CDH19: variants seen among roughly 807,000 people sequenced by gnomAD.
The protein encoded by CDH19 is cadherin-19.
In CDH19, 67 loss-of-function variants were observed where a neutral mutation model predicts 64.2. The observed-to-expected ratio is 1.04, with a 90% CI of 0.86 to 1.28. The LOEUF (loss-of-function observed/expected upper bound fraction) is 1.28. Among genes scored for constraint, CDH19 ranks in the 50% most tolerant of loss-of-function variants. The pLI is 0.00. For synonymous variants in CDH19, 346 were observed against 319.3 expected, an observed-to-expected ratio of 1.08 and a Z score of -0.89; for missense variants, 1,030 against 929.0, an observed-to-expected ratio of 1.11 and a Z score of -1.41.
At chr18:66,531,479 T>C (rs1423251396) in intron 8 of CDH19, among the ~76,000 whole-genome samples, 2 of 151,892 alleles carry the variant, frequency 1.3e-5, no homozygotes, top group Non-Finnish European at 2.9e-5. Context: ...ATTAGCTGAG[T>C]GTAGTAGTGT....
intron 1 of CDH19, among the ~76,000 whole-genome samples, chr18:66,581,790 G>A (rs1988428650): frequency 6.6e-6 from 1 of 151,880 alleles, no homozygotes; most frequent in Admixed American, 6.6e-5. Flanking sequence ...GCTTGCAGAG[G>A]GCCTATCTGG....
intron 9 of CDH19, among the ~76,000 whole-genome samples, chr18:66,518,955 C>T (rs1598973770): frequency 6.6e-6 from 1 of 152,126 alleles, no homozygotes; most frequent in East Asian, 1.9e-4. Flanking sequence ...ACACTTCATT[C>T]AGCTAAACCA....
chr18:66,515,923 T>C (rs115566976), intron 9 of CDH19, among the ~76,000 whole-genome samples: 3,324 of 151,966 alleles, frequency 0.022, 130 homozygotes, highest in African/African-American at 0.074. Flanking sequence ...TTAGTCTCTG[T>C]CACCACTGTT....
At chr18:66,554,897 C>T (rs911302749) in intron 3 of CDH19, among the ~76,000 whole-genome samples, 4 of 151,496 alleles carry the variant, frequency 2.6e-5, no homozygotes, top group African/African-American at 9.7e-5. Flanking sequence ...TGCTTTTCAC[C>T]AAAAATTATA....
intron 7 of CDH19, among the ~76,000 whole-genome samples, chr18:66,542,180 A>G (rs1986912990): frequency 6.6e-6 from 1 of 152,228 alleles, no homozygotes; most frequent in Non-Finnish European, 1.5e-5. Context: ...AAAAATTGAT[A>G]TGCACTTATA....
chr18:66,519,590 T>C (rs988237103), intron 9 of CDH19, among the ~76,000 whole-genome samples: 1 of 152,180 alleles, frequency 6.6e-6, no homozygotes, highest in East Asian at 1.9e-4. Flanking sequence ...CATGGTTTCC[T>C]ATACATGTGA....
chr18:66,599,706 A>C (rs1432856661), intron 1 of CDH19, among the ~76,000 whole-genome samples: 1 of 152,086 alleles, frequency 6.6e-6, no homozygotes, highest in African/African-American at 2.4e-5. Flanking sequence ...TAAAAAATAA[A>C]TATTGAAAAC....
rs112895920 is a variant in CDH19, at chr18:66,549,427, T to C, written c.775+1667A>G. On this transcript the variant is annotated intron_variant, in intron 5 of 11. Transcript: ENST00000262150. Reference sequence around the variant, plus strand: ...CACATATTATATGCCAATTATTTTATAAAGTTCTGGGTATTTCATATTTAA... The same window carrying C: ...CACATATTATATGCCAATTATTTTACAAAGTTCTGGGTATTTCATATTTAA... 1.0e-3 allele frequency among the ~76,000 whole-genome samples: 153 copies of C among 152,240 alleles called. 1 individual carries two copies. Among genetic ancestry groups the C allele is most frequent in the African/African-American group, 3.6e-3 (149 of 41,542 alleles).
chr18:66,534,327 T>C (rs1372991218), intron 8 of CDH19, among the ~76,000 whole-genome samples: 1 of 151,920 alleles, frequency 6.6e-6, no homozygotes. Flanking sequence ...TCGCAAATAA[T>C]ATGCGGAGAT....
chr18:66,528,455 CT>C (rs1224361789), intron 9 of CDH19, among the ~76,000 whole-genome samples: 1 of 152,102 alleles, frequency 6.6e-6, no homozygotes, highest in Non-Finnish European at 1.5e-5. Flanking sequence ...TTATATCCAC[CT>C]TTTACTTTCC....
chr18:66,526,536 C>T (rs1295351583), intron 9 of CDH19, among the ~76,000 whole-genome samples: 1 of 152,020 alleles, frequency 6.6e-6, no homozygotes, highest in Admixed American at 6.6e-5. Flanking sequence ...CAAATATTAA[C>T]TTATTTCAAA....
intron 4 of CDH19, 93 bp from the exon 5 acceptor site, chr18:66,551,351 C>T: frequency 1.4e-6 from 1 of 739,314 alleles, no homozygotes; most frequent in South Asian, 1.6e-5. Flanking sequence ...CATTATTTTG[C>T]TATATGTTGA....
chr18:66,538,413 C>T lies in CDH19; in HGVS notation c.1215-3306G>A, dbSNP rs571627826. On this transcript the variant is annotated intron_variant, in intron 7 of 11. Coordinates refer to ENST00000262150, the MANE Select transcript of CDH19 (RefSeq NM_021153.4). ...TTGGACAAAAGAATAGTCATGTGTC[C>T]GCCTTCACATAATGACACAGAACAA... Among the ~76,000 whole-genome samples the T allele has an allele frequency of 4.1e-4, 63 of 152,062 alleles. 1 individual carries two copies. Among genetic ancestry groups the T allele is most frequent in the East Asian group, 4.1e-3 (21 of 5,162 alleles).
At chr18:66,557,945 A>C (rs1318635653) in intron 3 of CDH19, among the ~76,000 whole-genome samples, 1 of 151,638 alleles carries the variant, frequency 6.6e-6, no homozygotes, top group Non-Finnish European at 1.5e-5. Context: ...CTGATTCTCT[A>C]GTTGGCTCCA....
intron 9 of CDH19, among the ~76,000 whole-genome samples, chr18:66,514,512 C>T (rs558305): frequency 0.96 from 145,788 of 151,378 alleles, 70,436 homozygotes; most frequent in East Asian, 1. Flanking sequence ...AGTGTGATCC[C>T]AAGCAAAGAA....
intron 1 of CDH19, among the ~76,000 whole-genome samples, chr18:66,582,916 T>A (rs1988466781): frequency 6.6e-6 from 1 of 152,064 alleles, no homozygotes; most frequent in South Asian, 2.1e-4. Flanking sequence ...TGTGCAAAAG[T>A]TCTAAAATGA....
chr18:66,551,165 G>C lies in CDH19; in HGVS notation c.704C>G (p.Ala235Gly), dbSNP rs754546870. ...QAKDMIGQPG[A>G]LSGTTSVLIK... is the part of the protein sequence containing the mutation. The stretch of plus-strand genomic sequence containing the variant: ...TAATACACTTGTTGTTCCAGACAAC[G>C]CTCCTGGCTGACCAATCATGTCCTT... Residue 235 changes from alanine (A) to glycine (G), a missense_variant, in exon 5 of 12, where the codon GCG becomes GGG. Transcript: ENST00000262150. 4 of 1,605,958 alleles carry C rather than the reference G, an allele frequency of 2.5e-6. No homozygotes were observed. The highest frequency in any genetic ancestry group is 3.4e-6 in the Non-Finnish European group (4 of 1,173,038).
At position 66,503,054 on chromosome 18, in the gene CDH19, G is replaced by T. The variant is rs1248413448; in HGVS notation, c.*1758C>A. Reference sequence around the variant, plus strand: ...CAAATTATTTGATTTAACATATATGGCCAGTTTGGTTCAGCTTAGTCTCAC... The same window carrying T: ...CAAATTATTTGATTTAACATATATGTCCAGTTTGGTTCAGCTTAGTCTCAC... On this transcript the variant is annotated 3_prime_UTR_variant, in exon 12 of 12. Transcript: ENST00000262150. 6.6e-6 allele frequency: 1 copy of T among 151,480 alleles called. No individual in the cohort carries two copies. Among genetic ancestry groups the T allele is most frequent in the Non-Finnish European group, 1.5e-5 (1 of 67,742 alleles). 9.4% of individuals were successfully genotyped at this position (151,480 alleles called of 1,614,324 possible). A position where few individuals can be genotyped will look rare whatever the true frequency, so the allele number is the denominator to read the frequency against.
chr18:66,528,006 TATA>T (rs1225053471), intron 9 of CDH19, among the ~76,000 whole-genome samples: 9 of 151,502 alleles, frequency 5.9e-5, no homozygotes, highest in African/African-American at 1.9e-4. Context: ...TAATTTTATT[TATA>T]ATAATTCTAG....
Sources: allele counts gnomAD v4.1 joint callset (sites outside exome capture counted in the v4.1 genomes callset), GRCh38; gene constraint gnomAD v4.1.1; transcripts MANE v1.5; gene names NCBI Gene and HGNC (gene_info 2026-07-23, HGNC 2026-07-21).